The following AGPAT5 variants were observed in gnomAD, a reference collection of about 807,000 sequenced individuals.
AGPAT5 encodes the protein 1-acyl-sn-glycerol-3-phosphate acyltransferase epsilon.
A neutral mutation model predicts 45.6 loss-of-function variants in AGPAT5; 46 were observed. The ratio of observed to expected loss-of-function variants is 1.01; its 90% CI spans 0.80 to 1.29. The LOEUF (loss-of-function observed/expected upper bound fraction) is 1.29, where lower values mean the gene tolerates loss of function less well. Among genes scored for constraint, AGPAT5 ranks in the 50% most tolerant of loss-of-function variants. The probability of loss-of-function intolerance (pLI) is 0.00; values close to 1 mark genes in which losing one functional copy is unlikely to be tolerated. For missense variants in AGPAT5, 673 were observed against 450.7 expected, an observed-to-expected ratio of 1.49 and a Z score of -4.47; for synonymous variants, 272 against 167.0, an observed-to-expected ratio of 1.63 and a Z score of -4.85.
At chr8:6,736,568 A>T (rs1801059680) in intron 4 of AGPAT5, among the ~76,000 whole-genome samples, 1 of 152,102 alleles carries the variant, frequency 6.6e-6, no homozygotes, top group Non-Finnish European at 1.5e-5. Context: ...TTGCTTTGTT[A>T]TCTTCCTTTG....
Position 6,747,754 on chromosome 8 carries a change from C to T in AGPAT5, c.671C>T (p.Ala224Val), listed in dbSNP as rs375803469. Reference sequence around the variant, plus strand: ...GATTGCATGAAGAATTATTTAGATGCAATTTATGATGTTACGGTGGTTTAT... The same window carrying T: ...GATTGCATGAAGAATTATTTAGATGTAATTTATGATGTTACGGTGGTTTAT... ...AFDCMKNYLDAIYDVTVVYEG... is the reference protein window; with the variant it reads ...AFDCMKNYLDVIYDVTVVYEG... The change falls in exon 6 of 8, where the codon GCA (alanine) becomes GTA (valine). Residue 224 changes from alanine (A) to valine (V), a missense_variant. Transcript: ENST00000285518. 6 of 1,614,134 alleles carry T rather than the reference C, an allele frequency of 3.7e-6. No individual in the cohort carries two copies. The highest frequency in any genetic ancestry group is 5.1e-6 in the Non-Finnish European group (6 of 1,180,012).
intron 6 of AGPAT5, among the ~76,000 whole-genome samples, chr8:6,749,744 AG>A (rs1225877832): frequency 2.0e-5 from 3 of 150,318 alleles, no homozygotes; most frequent in Non-Finnish European, 4.4e-5. Context: ...TATTAAACAT[AG>A]TTTAAGATTA....
intron 1 of AGPAT5, among the ~76,000 whole-genome samples, chr8:6,716,546 G>A (rs769968515): frequency 6.6e-6 from 1 of 151,962 alleles, no homozygotes; most frequent in Non-Finnish European, 1.5e-5. Flanking sequence ...GAAAAAAAAG[G>A]TAAAAGGGCC....
chr8:6,738,801 A>G (rs1587041553), intron 4 of AGPAT5, among the ~76,000 whole-genome samples: 1 of 152,072 alleles, frequency 6.6e-6, no homozygotes, highest in African/African-American at 2.4e-5. Flanking sequence ...ATTTATATGT[A>G]TCTTTTGAAG....
intron 6 of AGPAT5, among the ~76,000 whole-genome samples, chr8:6,752,639 A>G (rs1587067994): frequency 1.3e-5 from 2 of 152,124 alleles, no homozygotes; most frequent in East Asian, 3.8e-4. Context: ...TCTATTACCC[A>G]AGTGTATCAG....
At chr8:6,732,532 T>C in intron 3 of AGPAT5, 29 bp from the exon 4 acceptor site, 4 of 1,559,800 alleles carry the variant, frequency 2.6e-6, no homozygotes, top group Non-Finnish European at 3.5e-6. Flanking sequence ...TAAAAGTAAA[T>C]GCTCTTTCTC....
chr8:6,755,712 A>G (rs950161651), intron 7 of AGPAT5, among the ~76,000 whole-genome samples: 3 of 152,230 alleles, frequency 2.0e-5, no homozygotes, highest in African/African-American at 7.2e-5. Flanking sequence ...TATTCTCTAA[A>G]TATGTACTTT....
At chr8:6,750,276 A>T (rs894325455) in intron 6 of AGPAT5, among the ~76,000 whole-genome samples, 1 of 152,344 alleles carries the variant, frequency 6.6e-6, no homozygotes, top group East Asian at 1.9e-4. Flanking sequence ...TGAGGAAGCC[A>T]AAACCTTCTG....
chr8:6,726,855 C>G (rs1390609693), intron 2 of AGPAT5, among the ~76,000 whole-genome samples: 1 of 152,078 alleles, frequency 6.6e-6, no homozygotes, highest in Non-Finnish European at 1.5e-5. Flanking sequence ...TTTTTGAAAG[C>G]CTTTTAAAAT....
At chr8:6,732,990 A>G (rs909405900) in intron 4 of AGPAT5, among the ~76,000 whole-genome samples, 1 of 152,212 alleles carries the variant, frequency 6.6e-6, no homozygotes, top group Non-Finnish European at 1.5e-5. Context: ...TGTCTTCTTT[A>G]GTATCAGATT....
At chr8:6,737,404 T>C (rs1801092392) in intron 4 of AGPAT5, among the ~76,000 whole-genome samples, 1 of 152,252 alleles carries the variant, frequency 6.6e-6, no homozygotes, top group Admixed American at 6.5e-5. Flanking sequence ...TCCATGATTG[T>C]ATCAGTTCTT....
intron 4 of AGPAT5, 27 bp from the exon 5 acceptor site, chr8:6,741,634 A>T: frequency 1.3e-6 from 2 of 1,534,660 alleles, no homozygotes; most frequent in Non-Finnish European, 8.8e-7. Context: ...CACACAAAAT[A>T]AACCAAATTT....
Position 6,733,917 on chromosome 8 carries a change from C to T in AGPAT5, c.495+1267C>T, listed in dbSNP as rs544350624. On this transcript the variant is annotated intron_variant, in intron 4 of 7. Transcript: ENST00000285518. ...TGCACAGTGGCCCCTTGCTTTTTTGCCCCCATGAATATAGCTGCCAGTGGC... is the reference window on the plus strand; with the variant it reads ...TGCACAGTGGCCCCTTGCTTTTTTGTCCCCATGAATATAGCTGCCAGTGGC... Among the ~76,000 whole-genome samples, 8 of 152,162 alleles carry T rather than the reference C, an allele frequency of 5.3e-5. No individual in the cohort carries two copies. In the South Asian group the frequency reaches 1.7e-3, roughly 32 times the overall value.
chr8:6,717,065 G>T (rs545058824), intron 1 of AGPAT5, among the ~76,000 whole-genome samples: 1 of 152,198 alleles, frequency 6.6e-6, no homozygotes, highest in Non-Finnish European at 1.5e-5. Flanking sequence ...CCACCCTCAA[G>T]AGTAAGGCAG....
chr8:6,726,059 C>G (rs1800676591), intron 2 of AGPAT5, among the ~76,000 whole-genome samples: 1 of 152,194 alleles, frequency 6.6e-6, no homozygotes, highest in Non-Finnish European at 1.5e-5. Flanking sequence ...CTTGATGTAT[C>G]TGAGTATTTT....
intron 1 of AGPAT5, among the ~76,000 whole-genome samples, chr8:6,713,003 G>C (rs961642682): frequency 6.6e-6 from 1 of 152,118 alleles, no homozygotes; most frequent in African/African-American, 2.4e-5. Context: ...TGGGGTTTGG[G>C]TTTTTTTGAG....
At chr8:6,720,292 A>G (rs1196458350) in intron 1 of AGPAT5, among the ~76,000 whole-genome samples, 2 of 152,200 alleles carry the variant, frequency 1.3e-5, no homozygotes, top group African/African-American at 2.4e-5. Context: ...TTCTGGTGCC[A>G]GATTACCTTA....
chr8:6,732,606 G>A lies in AGPAT5; in HGVS notation c.451G>A (p.Glu151Lys), dbSNP rs765789423. Residue 151 changes from glutamate to lysine, a missense_variant, in exon 4 of 8, where the codon GAG becomes AAG. Coordinates refer to ENST00000285518, the MANE Select transcript of AGPAT5 (RefSeq NM_018361.5). ...GCGCAGTGCCAAATTTAACGAGAAA[G>A]AGATGCGAAACAAGTTGCAGAGCTA... ...VKRSAKFNEK[E>K]MRNKLQSYVD... 6.2e-7 allele frequency: 1 copy of A among 1,611,328 alleles called. No homozygotes were observed. The highest frequency in any genetic ancestry group is 1.7e-5 in the Admixed American group (1 of 59,034).
intron 5 of AGPAT5, among the ~76,000 whole-genome samples, chr8:6,743,805 T>C (rs1801326351): frequency 1.3e-5 from 2 of 151,008 alleles, no homozygotes; most frequent in South Asian, 2.1e-4. Context: ...GTTAAAACCA[T>C]AGTTGCTAGC....
Sources: allele counts gnomAD v4.1 joint callset (sites outside exome capture counted in the v4.1 genomes callset), GRCh38; gene constraint gnomAD v4.1.1; transcripts MANE v1.5; gene names NCBI Gene and HGNC (gene_info 2026-07-23, HGNC 2026-07-21).